DNER: variants seen among roughly 807,000 people sequenced by gnomAD.
The protein encoded by DNER is delta/notch like EGF repeat containing.
Under a neutral mutation model 78.2 loss-of-function variants are expected in DNER, and 33 were observed. That is an observed-to-expected ratio of 0.42 (90% confidence interval 0.32 to 0.56). The LOEUF (loss-of-function observed/expected upper bound fraction) is 0.56, where lower values mean the gene tolerates loss of function less well. DNER is among the 20% of genes least tolerant of loss of function. The pLI, the probability that DNER is intolerant of heterozygous loss-of-function variation, is 0.11. For missense variants in DNER, 918 were observed against 975.3 expected (o/e 0.94, Z 0.78); for synonymous variants, 417 against 384.8 (o/e 1.08, Z -0.98).
chr2:229,617,653 G>C (rs1574930288), intron 1 of DNER, among the ~76,000 whole-genome samples: 1 of 152,284 alleles, frequency 6.6e-6, no homozygotes, highest in African/African-American at 2.4e-5. Context: ...CATGAAAAGA[G>C]TCCCAGGTCA....
chr2:229,377,013 C>T (rs1279249964), intron 11 of DNER, among the ~76,000 whole-genome samples: 1 of 152,102 alleles, frequency 6.6e-6, no homozygotes, highest in Non-Finnish European at 1.5e-5. Flanking sequence ...ACCTCTGGCC[C>T]CAGGATGAGT....
intron 7 of DNER, among the ~76,000 whole-genome samples, chr2:229,461,151 A>G (rs912205465): frequency 3.3e-5 from 5 of 152,016 alleles, no homozygotes; most frequent in Non-Finnish European, 7.4e-5. Context: ...AAAATAAACC[A>G]ATATTCTCAT....
At chr2:229,522,023 T>TAA (rs554085716) in intron 5 of DNER, among the ~76,000 whole-genome samples, 1 of 147,952 alleles carries the variant, frequency 6.8e-6, no homozygotes, top group Admixed American at 6.8e-5. Flanking sequence ...TAGCTTATTA[T>TAA]AAAAAAAAAA....
chr2:229,635,999 A>T (rs552605899), intron 1 of DNER, among the ~76,000 whole-genome samples: 1 of 152,230 alleles, frequency 6.6e-6, no homozygotes, highest in South Asian at 2.1e-4. Context: ...AAACTGAGGT[A>T]CAAAAAAGTT....
intron 1 of DNER, among the ~76,000 whole-genome samples, chr2:229,598,441 C>T (rs768741243): frequency 3.3e-5 from 5 of 152,206 alleles, no homozygotes; most frequent in Admixed American, 1.3e-4. Flanking sequence ...GAGTCAGAGA[C>T]GTTAACTTGG....
chr2:229,387,509 GAGAAAGAAAGAAAGAAAGAAAGAAAGAA>G (rs67136130), intron 11 of DNER, among the ~76,000 whole-genome samples: 25 of 76,128 alleles, frequency 3.3e-4, no homozygotes, highest in African/African-American at 1.1e-3. Flanking sequence ...GAAAGAAAGA[GAGAAAGAAAGAAAGAAAGAAAGAAAGAA>G]AGAAAGAAAG....
At chr2:229,369,899 A>G (rs1692442623) in intron 11 of DNER, among the ~76,000 whole-genome samples, 2 of 152,146 alleles carry the variant, frequency 1.3e-5, no homozygotes, top group African/African-American at 4.8e-5. Context: ...CTTTACTCAC[A>G]CCACCACCAC....
At chr2:229,706,383 T>C in intron 1 of DNER, among the ~76,000 whole-genome samples, 1 of 136,432 alleles carries the variant, frequency 7.3e-6, no homozygotes, top group African/African-American at 2.8e-5. Context: ...AAACCTCATC[T>C]CTAGTAAAAA....
intron 1 of DNER, among the ~76,000 whole-genome samples, chr2:229,619,046 C>T (rs1418161769): frequency 1.3e-5 from 2 of 152,132 alleles, no homozygotes; most frequent in Non-Finnish European, 2.9e-5. Context: ...ATTCTAGCTA[C>T]TCAAGAGGCT....
chr2:229,409,180 C>G (rs1340532969), intron 9 of DNER, among the ~76,000 whole-genome samples: 1 of 152,170 alleles, frequency 6.6e-6, no homozygotes, highest in African/African-American at 2.4e-5. Flanking sequence ...TACTGATACA[C>G]AAGTAGCCTG....
chr2:229,608,021 C>CAAAAAAAA (rs57795249), intron 1 of DNER, among the ~76,000 whole-genome samples: 1 of 86,274 alleles, frequency 1.2e-5, no homozygotes, highest in Non-Finnish European at 2.2e-5. Context: ...AACTCTGTCT[C>CAAAAAAAA]AAAAAAAAAA....
chr2:229,430,066 A>G (rs944276325), intron 8 of DNER, among the ~76,000 whole-genome samples: 1 of 152,228 alleles, frequency 6.6e-6, no homozygotes, highest in Non-Finnish European at 1.5e-5. Context: ...AGAGGGCCAA[A>G]TAACCTTTGC....
rs398061160 is a variant in DNER, at chr2:229,413,321, C to CTTTTTTTTTTTTTTTTTTTTTT, written c.1609+4786_1609+4787insAAAAAAAAAAAAAAAAAAAAAA. Among the ~76,000 whole-genome samples, 35 of 67,776 alleles carry CTTTTTTTTTTTTTTTTTTTTTT rather than the reference C, an allele frequency of 5.2e-4. 2 individuals are homozygous for CTTTTTTTTTTTTTTTTTTTTTT. The highest frequency in any genetic ancestry group is 1.7e-3 in the African/African-American group (34 of 20,340). 44.5% of individuals were successfully genotyped at this position (67,776 alleles called of 152,430 possible). A position where few individuals can be genotyped will look rare whatever the true frequency, so the allele number is the denominator to read the frequency against. On this transcript the variant is annotated intron_variant, in intron 9 of 12. Transcript: ENST00000341772. ...TGCTTTTCTTTTTCTTTTTCTTCTT[C>CTTTTTTTTTTTTTTTTTTTTTT]TTTTTTTTTTTTTTTTTTTTTGACG...
At position 229,634,793 on chromosome 2, in the gene DNER, G is replaced by A. The variant is rs1023971792; in HGVS notation, c.277-42905C>T. Among the ~76,000 whole-genome samples, 3 of 152,320 alleles carry A rather than the reference G, an allele frequency of 2.0e-5. No individual in the cohort carries two copies. The East Asian group carries it at 5.8e-4, about 30-fold the overall frequency. On this transcript the variant is annotated intron_variant, in intron 1 of 12. Transcript: ENST00000341772. ...CTGGCTCAGCATCCTCTGCGAGCGG[G>A]AAGGAGGGGCTGCCTCCCTTGTCAG...
chr2:229,498,055 A>G (rs1263037114), intron 6 of DNER, among the ~76,000 whole-genome samples: 2 of 152,170 alleles, frequency 1.3e-5, no homozygotes, highest in African/African-American at 4.8e-5. Context: ...TGAATTTAAT[A>G]CCATATTAAC....
At chr2:229,657,850 A>G (rs1478098731) in intron 1 of DNER, among the ~76,000 whole-genome samples, 2 of 152,184 alleles carry the variant, frequency 1.3e-5, no homozygotes, top group Non-Finnish European at 2.9e-5. Flanking sequence ...CAGGAGTGCG[A>G]TGATAGAGTC....
rs903062046 is a variant in DNER, at chr2:229,714,541, G to T, written c.-118C>A. On this transcript the variant is annotated 5_prime_UTR_variant, in exon 1 of 13. Coordinates refer to ENST00000341772, the MANE Select transcript of DNER (RefSeq NM_139072.4). The stretch of plus-strand genomic sequence containing the variant: ...GGCTAGGGCTGCTCCGCCGGGCCGG[G>T]CGCCTCCTGCAGCTGCGGGATCCGC... 5 of 1,031,162 alleles carry T rather than the reference G, an allele frequency of 4.8e-6. No homozygotes were observed. The highest frequency in any genetic ancestry group is 5.8e-6 in the Non-Finnish European group (5 of 859,056). 63.9% of individuals were successfully genotyped at this position (1,031,162 alleles called of 1,614,324 possible).
Position 229,490,853 on chromosome 2 carries a change from C to T in DNER, c.1148-13600G>A, listed in dbSNP as rs1268678701. Among the ~76,000 whole-genome samples, 7 of 152,188 alleles carry T rather than the reference C, an allele frequency of 4.6e-5. No homozygotes were observed. The East Asian group carries it at 1.3e-3, about 29-fold the overall frequency. Reference sequence around the variant, plus strand: ...ATCAGCTGTACCTTCAAAGACATCCCAAATCCAAAACGTCTCACTACTTCC... The same window carrying T: ...ATCAGCTGTACCTTCAAAGACATCCTAAATCCAAAACGTCTCACTACTTCC... On this transcript the variant is annotated intron_variant, in intron 6 of 12. Coordinates refer to ENST00000341772, the MANE Select transcript of DNER (RefSeq NM_139072.4).
chr2:229,485,261 C>G (rs1041705585), intron 6 of DNER, among the ~76,000 whole-genome samples: 3 of 152,052 alleles, frequency 2.0e-5, no homozygotes, highest in African/African-American at 7.2e-5. Flanking sequence ...AGGGTCTGAC[C>G]GTGAGCAATG....
Sources: gnomAD v4.1 joint callset for allele counts (sites outside exome capture counted in the v4.1 genomes callset) on GRCh38, gnomAD v4.1.1 for gene constraint, MANE v1.5 for transcripts, NCBI Gene and HGNC (gene_info 2026-07-23, HGNC 2026-07-21) for gene names.